The following HHAT variants were observed in gnomAD, a reference collection of about 807,000 sequenced individuals.
The protein encoded by HHAT is protein-cysteine N-palmitoyltransferase HHAT.
A neutral mutation model predicts 70.8 loss-of-function variants in HHAT; 47 were observed. That is an observed-to-expected ratio of 0.66 (90% CI 0.53 to 0.85). HHAT has a LOEUF of 0.85. Among genes scored for constraint, HHAT ranks in the 40% least tolerant of loss-of-function variants. HHAT has a pLI of 0.00. For synonymous variants in HHAT, 228 were observed against 247.6 expected (o/e 0.92, Z 0.74); for missense variants, 609 against 604.8 (o/e 1.01, Z -0.07).
intron 8 of HHAT, among the ~76,000 whole-genome samples, chr1:210,498,025 G>A (rs1412216659): frequency 6.6e-6 from 1 of 151,954 alleles, no homozygotes; most frequent in East Asian, 1.9e-4. Flanking sequence ...AAAATGCTGG[G>A]ATTACAGGCA....
chr1:210,635,099 A>G (rs1671625700), intron 11 of HHAT, among the ~76,000 whole-genome samples: 1 of 152,184 alleles, frequency 6.6e-6, no homozygotes, highest in Admixed American at 6.5e-5. Context: ...TTGCCTTAAT[A>G]TCTGTCTTAA....
chr1:210,547,957 C>T (rs1444001845), intron 9 of HHAT, among the ~76,000 whole-genome samples: 1 of 152,120 alleles, frequency 6.6e-6, no homozygotes, highest in African/African-American at 2.4e-5. Flanking sequence ...GAACAATTTT[C>T]ATGTAGGGTG....
chr1:210,429,114 T>C (rs1179744129), intron 7 of HHAT, among the ~76,000 whole-genome samples: 1 of 151,784 alleles, frequency 6.6e-6, no homozygotes, highest in East Asian at 1.9e-4. Context: ...TTTCCCCAAT[T>C]CTTATGAGAA....
intron 9 of HHAT, among the ~76,000 whole-genome samples, chr1:210,542,981 T>C (rs762344607): frequency 8.5e-5 from 13 of 152,328 alleles, no homozygotes; most frequent in Non-Finnish European, 1.3e-4. Flanking sequence ...TAGATTAATA[T>C]GGCACCGCTG....
At chr1:210,630,791 G>T (rs1475194652) in intron 11 of HHAT, among the ~76,000 whole-genome samples, 1 of 152,198 alleles carries the variant, frequency 6.6e-6, no homozygotes, top group Non-Finnish European at 1.5e-5. Flanking sequence ...GGAAGCAGAA[G>T]CAATCTCTCC....
At chr1:210,418,753 C>G (rs2092802542) in intron 7 of HHAT, among the ~76,000 whole-genome samples, 2 of 152,084 alleles carry the variant, frequency 1.3e-5, no homozygotes, top group Non-Finnish European at 2.9e-5. Flanking sequence ...GAATATGAGG[C>G]TGGGTGTGGT....
chr1:210,544,364 T>G lies in HHAT; in HGVS notation c.1043+31176T>G, dbSNP rs564895607. Among the ~76,000 whole-genome samples the G allele has an allele frequency of 1.1e-3, 157 of 142,294 alleles. 1 individual carries two copies. Among genetic ancestry groups the G allele is most frequent in the South Asian group, 8.9e-3 (39 of 4,384 alleles). 93.4% of individuals were successfully genotyped at this position (142,294 alleles called of 152,430 possible). A position where few individuals can be genotyped will look rare whatever the true frequency, so the allele number is the denominator to read the frequency against. On this transcript the variant is annotated intron_variant, in intron 9 of 11. Transcript: ENST00000261458. ...TTGTTTTTTTCTTTTCTTTCTTTCT[T>G]TCGTTTTTTTTTTTTTTTTTTTTTT...
At chr1:210,465,305 G>A (rs868112838) in intron 8 of HHAT, among the ~76,000 whole-genome samples, 1 of 152,090 alleles carries the variant, frequency 6.6e-6, no homozygotes, top group Non-Finnish European at 1.5e-5. Flanking sequence ...CTTATGGTTG[G>A]TGTGGAGTCT....
At chr1:210,583,488 A>G (rs1659713989) in intron 9 of HHAT, among the ~76,000 whole-genome samples, 1 of 152,194 alleles carries the variant, frequency 6.6e-6, no homozygotes, top group Non-Finnish European at 1.5e-5. Context: ...TTGCTTTTCT[A>G]AAAAAAGAGA....
chr1:210,352,932 CT>C (rs779828953), intron 2 of HHAT, among the ~76,000 whole-genome samples: 645 of 137,390 alleles, frequency 4.7e-3, no homozygotes, highest in Non-Finnish European at 5.3e-3. Context: ...TCTCTGTTTA[CT>C]TTTTTTTTTT....
intron 7 of HHAT, among the ~76,000 whole-genome samples, chr1:210,450,374 C>A (rs1477940978): frequency 6.6e-6 from 1 of 152,082 alleles, no homozygotes; most frequent in Non-Finnish European, 1.5e-5. Context: ...TATGGAAGAT[C>A]TGCATAGATC....
intron 9 of HHAT, among the ~76,000 whole-genome samples, chr1:210,527,653 C>CA (rs1293347469): frequency 6.6e-6 from 1 of 152,156 alleles, no homozygotes; most frequent in Non-Finnish European, 1.5e-5. Context: ...TGGCGATTCA[C>CA]AAGCTCCCTG....
intron 8 of HHAT, among the ~76,000 whole-genome samples, chr1:210,479,254 C>A (rs2094354234): frequency 6.6e-6 from 1 of 152,162 alleles, no homozygotes. Context: ...ACCTGAAAGT[C>A]CAAATTCTCT....
intron 3 of HHAT, among the ~76,000 whole-genome samples, chr1:210,375,853 G>T: frequency 7.5e-6 from 1 of 134,214 alleles, no homozygotes; most frequent in Non-Finnish European, 1.6e-5. Context: ...CTATCCTTAG[G>T]TTCAATAATT....
intron 7 of HHAT, among the ~76,000 whole-genome samples, chr1:210,450,298 G>A (rs530484311): frequency 1.3e-5 from 2 of 151,150 alleles, no homozygotes; most frequent in South Asian, 4.2e-4. Context: ...CTCAGGTGGG[G>A]GGGGTGGGAA....
rs149005834 is a variant in HHAT at position 210,351,980 on chromosome 1, A to G, written c.91+2914A>G. Among the ~76,000 whole-genome samples the G allele has an allele frequency of 3.5e-3, 530 of 152,222 alleles. 4 individuals carry two copies. The highest frequency in any genetic ancestry group is 6.0e-3 in the Non-Finnish European group (406 of 68,024). On this transcript the variant is annotated intron_variant, in intron 2 of 11. Transcript: ENST00000261458. ...CACCTCTGGAGTTTCTCTCTTCTAT[A>G]ATGGGTGTTATACTTCTTTACCCAC... is the stretch of plus-strand genomic sequence containing the variant.
chr1:210,600,554 G>A (rs760628384), intron 10 of HHAT, among the ~76,000 whole-genome samples: 1 of 152,118 alleles, frequency 6.6e-6, no homozygotes, highest in Non-Finnish European at 1.5e-5. Context: ...GCTGCTTTAT[G>A]AGAGGAGGGA....
intron 8 of HHAT, among the ~76,000 whole-genome samples, chr1:210,488,123 A>AT (rs1386846411): frequency 6.6e-6 from 1 of 152,064 alleles, no homozygotes; most frequent in Non-Finnish European, 1.5e-5. Flanking sequence ...GAAGGAAGCA[A>AT]TTTTTTTCCC....
rs80215117 is a variant in HHAT at position 210,478,420 on chromosome 1, G to A, written c.1007+13765G>A. The stretch of plus-strand genomic sequence containing the variant: ...AGAAACTGGACCAGCCCCTTTCCTG[G>A]TTTGAGTAAAGACTTCAATTAGAGT... On this transcript the variant is annotated intron_variant, in intron 8 of 11. Coordinates refer to ENST00000261458, the MANE Select transcript of HHAT (RefSeq NM_018194.6). Among the ~76,000 whole-genome samples, 1,373 of 152,256 alleles carry A rather than the reference G, an allele frequency of 9.0e-3. 30 individuals carry two copies. Among genetic ancestry groups the A allele is most frequent in the African/African-American group, 0.031 (1,305 of 41,540 alleles).
Sources: gnomAD v4.1 joint callset for allele counts (sites outside exome capture counted in the v4.1 genomes callset) on GRCh38, gnomAD v4.1.1 for gene constraint, MANE v1.5 for transcripts, NCBI Gene and HGNC (gene_info 2026-07-23, HGNC 2026-07-21) for gene names.